AKAP8L: variants seen among roughly 807,000 people sequenced by gnomAD.
AKAP8L encodes the protein A-kinase anchor protein 8-like.
Under a neutral mutation model 77.5 loss-of-function variants are expected in AKAP8L, and 34 were observed. The observed-to-expected ratio is 0.44, with a 90% CI of 0.33 to 0.58. The LOEUF (loss-of-function observed/expected upper bound fraction) is 0.58, where lower values mean the gene tolerates loss of function less well. Ranked by LOEUF, AKAP8L falls within the 20% of genes least tolerant of loss-of-function variation. The pLI, the probability that AKAP8L is intolerant of heterozygous loss-of-function variation, is 0.02. For synonymous variants in AKAP8L, 342 were observed against 340.7 expected, an observed-to-expected ratio of 1.00 and a Z score of -0.04; for missense variants, 806 against 887.6, an observed-to-expected ratio of 0.91 and a Z score of 1.17.
At chr19:15,408,814 G>A (rs1397828984) in intron 2 of AKAP8L, among the ~76,000 whole-genome samples, 1 of 151,028 alleles carries the variant, frequency 6.6e-6, no homozygotes, top group Non-Finnish European at 1.5e-5. Flanking sequence ...GGAGCTTGCA[G>A]TGAGCTGAGA....
At chr19:15,414,982 C>CT (rs1968177689) in intron 1 of AKAP8L, among the ~76,000 whole-genome samples, 1 of 152,082 alleles carries the variant, frequency 6.6e-6, no homozygotes, top group African/African-American at 2.4e-5. Flanking sequence ...TTTTCTTTTT[C>CT]TTTTTTTGTT....
At position 15,416,713 on chromosome 19, in the gene AKAP8L, AG is replaced by A. The variant is rs573870951; in HGVS notation, c.13+2197del. Reference sequence around the variant, plus strand: ...CAGTAGCATTTCAGACCTTTGTTTGAGGGCCTGATTCTGGATATTTCTGTGC... The same window carrying A: ...CAGTAGCATTTCAGACCTTTGTTTGAGGCCTGATTCTGGATATTTCTGTGC... On this transcript the variant is annotated intron_variant, in intron 1 of 13. Coordinates refer to ENST00000397410, the MANE Select transcript of AKAP8L (RefSeq NM_014371.4). Among the ~76,000 whole-genome samples, 213 of 152,332 alleles carry A rather than the reference AG, an allele frequency of 1.4e-3. 1 individual carries two copies. The highest frequency in any genetic ancestry group is 4.9e-3 in the African/African-American group (202 of 41,566).
At position 15,400,995 on chromosome 19, in the gene AKAP8L, T is replaced by A; in HGVS notation, c.865A>T (p.Ser289Cys). 1 of 1,614,006 alleles carries A rather than the reference T, an allele frequency of 6.2e-7. No homozygotes were observed. Among genetic ancestry groups the A allele is most frequent in the Non-Finnish European group, 8.5e-7 (1 of 1,179,896 alleles). ...GAGCAGTCCGTGCGGGTGGCTTTGC[T>A]ATCTGGCTCATCAGGACTGCCGCCC... is the stretch of plus-strand genomic sequence containing the variant. ...KQGGSPDEPD[S>C]KATRTDCSDN... The change falls in exon 6 of 14, where the codon AGC (serine) becomes TGC (cysteine). Residue 289 changes from serine (S) to cysteine (C), a missense_variant. Ser to Cys is a moderately radical substitution (Grantham distance 112). Around this residue, in one of 2 missense-constraint regions of AKAP8L, gnomAD observed 580 missense variants for 694.1 expected, o/e 0.84. Coordinates refer to ENST00000397410, the MANE Select transcript of AKAP8L (RefSeq NM_014371.4).
chr19:15,400,753 C>T (rs770068043), intron 7 of AKAP8L, 41 bp downstream of exon 7: 1 of 1,611,494 alleles, frequency 6.2e-7, no homozygotes, highest in Non-Finnish European at 8.5e-7. Context: ...GGCCAGCTCG[C>T]CCTGCCTGCA....
At chr19:15,405,790 T>C (rs988087556) in intron 2 of AKAP8L, among the ~76,000 whole-genome samples, 4 of 151,830 alleles carry the variant, frequency 2.6e-5, no homozygotes, top group Non-Finnish European at 4.4e-5. Flanking sequence ...GGTGTGGTGG[T>C]GCGCGTCTAT....
intron 2 of AKAP8L, among the ~76,000 whole-genome samples, chr19:15,407,470 G>T (rs1440993970): frequency 1.3e-5 from 2 of 151,964 alleles, no homozygotes; most frequent in East Asian, 3.8e-4. Flanking sequence ...AATTGTGTAT[G>T]TAAAAAAATC....
At chr19:15,392,078 C>T (rs1967675223) in intron 12 of AKAP8L, among the ~76,000 whole-genome samples, 1 of 152,218 alleles carries the variant, frequency 6.6e-6, no homozygotes, top group Non-Finnish European at 1.5e-5. Context: ...AAGCAATCCT[C>T]CCACCTTCAC....
At chr19:15,408,319 C>T (rs1287211678) in intron 2 of AKAP8L, among the ~76,000 whole-genome samples, 2 of 152,142 alleles carry the variant, frequency 1.3e-5, no homozygotes, top group Non-Finnish European at 2.9e-5. Context: ...AATCCTAGCA[C>T]TTTGGGAGGC....
chr19:15,397,103 C>T lies in AKAP8L; in HGVS notation c.1536+47G>A. The T allele has an allele frequency of 6.2e-7, 1 of 1,605,996 alleles. No homozygotes were observed. The stretch of plus-strand genomic sequence containing the variant: ...AACTGCACAACCTCCCCAGAGGCCT[C>T]ACTCAATCTACCCACAGGACAGAGG... On this transcript the variant is annotated intron_variant, in intron 12 of 13. Coordinates refer to ENST00000397410, the MANE Select transcript of AKAP8L (RefSeq NM_014371.4). The surrounding 1 kb of genome is among the most constrained non-coding windows in gnomAD (Gnocchi z 4.7).
chr19:15,400,148 A>C, intron 8 of AKAP8L, 147 bp downstream of exon 8: 1 of 777,220 alleles, frequency 1.3e-6, no homozygotes. Context: ...CGGCGAAAAG[A>C]AAGCCCCCTG....
intron 2 of AKAP8L, among the ~76,000 whole-genome samples, chr19:15,406,055 G>C (rs201527492): frequency 1.3e-5 from 2 of 152,194 alleles, no homozygotes; most frequent in East Asian, 3.8e-4. Context: ...AACAGAGTGA[G>C]GAGGCACAAC....
chr19:15,391,669 G>C (rs1227774980), intron 12 of AKAP8L, among the ~76,000 whole-genome samples: 6 of 151,146 alleles, frequency 4.0e-5, no homozygotes, highest in African/African-American at 1.5e-4. Context: ...CTCCCAAGTA[G>C]CTGGGACTAC....
intron 12 of AKAP8L, among the ~76,000 whole-genome samples, chr19:15,395,963 G>C (rs540911051): frequency 1.0e-5 from 1 of 95,658 alleles, no homozygotes; most frequent in South Asian, 4.1e-4. Flanking sequence ...CAGCCTGGGC[G>C]ACAGAGCGAG....
chr19:15,381,069 A>G (rs1967403566), intron 12 of AKAP8L: 1 of 161,908 alleles, frequency 6.2e-6, no homozygotes, highest in Non-Finnish European at 1.4e-5. Context: ...CCAAGAATGA[A>G]GAATTATTCC....
At chr19:15,407,552 G>A (rs2145143007) in intron 2 of AKAP8L, among the ~76,000 whole-genome samples, 1 of 152,308 alleles carries the variant, frequency 6.6e-6, no homozygotes, top group East Asian at 1.9e-4. Flanking sequence ...CAATCTGTAA[G>A]TCAAATTTCA....
At chr19:15,406,872 C>G (rs1316178109) in intron 2 of AKAP8L, among the ~76,000 whole-genome samples, 1 of 152,190 alleles carries the variant, frequency 6.6e-6, no homozygotes, top group African/African-American at 2.4e-5. Context: ...AATAGTTAAT[C>G]AGATTACACC....
intron 12 of AKAP8L, among the ~76,000 whole-genome samples, chr19:15,381,365 T>G (rs1011841419): frequency 2.0e-5 from 3 of 152,204 alleles, no homozygotes; most frequent in African/African-American, 7.2e-5. Context: ...ATCTCTGCAC[T>G]GGCATAAGAA....
Position 15,397,238 on chromosome 19 carries a change from T to C in AKAP8L, c.1448A>G (p.His483Arg), listed in dbSNP as rs1156681685. 4.3e-6 allele frequency: 7 copies of C among 1,614,008 alleles called. No individual in the cohort carries two copies. Among genetic ancestry groups the C allele is most frequent in the Non-Finnish European group, 5.9e-6 (7 of 1,179,898 alleles). Residue 483 changes from histidine to arginine, a missense_variant, in exon 12 of 14, where the codon CAT (histidine) becomes CGT (arginine). His to Arg is a conservative substitution (Grantham distance 29). Coordinates refer to ENST00000397410, the MANE Select transcript of AKAP8L (RefSeq NM_014371.4). The surrounding 1 kb of genome is among the most constrained non-coding windows in gnomAD (Gnocchi z 4.7). The part of the protein sequence containing the change: ...EHFVKKVEAA[H>R]CAACDLFIPM... ...AATGAAGAGGTCGCAGGCTGCACAA[T>C]GGGCTGCCTCCACCTTCTTCACAAA...
Position 15,403,729 on chromosome 19 carries a change from GAC to G in AKAP8L, c.122-16_122-15del. The G allele has an allele frequency of 1.3e-6, 2 of 1,543,122 alleles. No homozygotes were observed. The highest frequency in any genetic ancestry group is 2.4e-5 in the South Asian group (2 of 85,100). Reference sequence around the variant, plus strand: ...AGCCCTCGTAGCCTGCAGTGAGGGAGACAGAGACAGACAGATGGTGGGGGCAG... The same window carrying G: ...AGCCCTCGTAGCCTGCAGTGAGGGAGAGAGACAGACAGATGGTGGGGGCAG... On this transcript the variant is annotated splice_polypyrimidine_tract_variant and intron_variant, in intron 3 of 13. Coordinates refer to ENST00000397410, the MANE Select transcript of AKAP8L (RefSeq NM_014371.4). The surrounding 1 kb of genome is among the most constrained non-coding windows in gnomAD (Gnocchi z 4.3).
Sources: gnomAD v4.1 joint callset for allele counts (sites outside exome capture counted in the v4.1 genomes callset) on GRCh38, gnomAD v4.1.1 for gene constraint, gnomAD v4.1.1 regional missense constraint, Gnocchi (gnomAD v3.1) non-coding constraint, MANE v1.5 for transcripts, NCBI Gene and HGNC (gene_info 2026-07-23, HGNC 2026-07-21) for gene names.